The following DIAPH3 variants were observed in gnomAD, a reference collection of about 807,000 sequenced individuals.
The protein encoded by DIAPH3 is protein diaphanous homolog 3.
A neutral mutation model predicts 144.3 loss-of-function variants in DIAPH3; 117 were observed. The observed-to-expected ratio is 0.81, with a 90% confidence interval of 0.70 to 0.95. The LOEUF is 0.95. DIAPH3 is among the 40% of genes least tolerant of loss of function. The probability of loss-of-function intolerance (pLI) is 0.00; values close to 1 mark genes in which losing one functional copy is unlikely to be tolerated. For missense variants in DIAPH3, 1,421 were observed against 1,412.7 expected, an observed-to-expected ratio of 1.01 and a Z score of -0.09; for synonymous variants, 519 against 488.9, an observed-to-expected ratio of 1.06 and a Z score of -0.81.
chr13:59,939,510 C>T (rs745906884), intron 17 of DIAPH3, among the ~76,000 whole-genome samples: 10 of 152,154 alleles, frequency 6.6e-5, no homozygotes, highest in Non-Finnish European at 1.3e-4. Flanking sequence ...TCTTTTCCTA[C>T]ACAGAAACTG....
At chr13:60,057,162 C>T (rs866861261) in intron 4 of DIAPH3, among the ~76,000 whole-genome samples, 27 of 151,706 alleles carry the variant, frequency 1.8e-4, no homozygotes, top group African/African-American at 6.5e-4. Context: ...AAAGACTTCT[C>T]CAAAAGACTC....
chr13:60,059,570 G>T (rs573359657), intron 4 of DIAPH3, among the ~76,000 whole-genome samples: 1 of 151,910 alleles, frequency 6.6e-6, no homozygotes, highest in South Asian at 2.1e-4. Flanking sequence ...AAGGTCATAT[G>T]GTGTCACACA....
chr13:59,893,840 A>G (rs1485793020), intron 20 of DIAPH3, among the ~76,000 whole-genome samples: 2 of 152,134 alleles, frequency 1.3e-5, no homozygotes, highest in Admixed American at 6.5e-5. Flanking sequence ...CGATTTTACA[A>G]TTCTTGTTTT....
At chr13:59,947,363 G>C (rs2048851605) in intron 17 of DIAPH3, among the ~76,000 whole-genome samples, 1 of 152,110 alleles carries the variant, frequency 6.6e-6, no homozygotes, top group Non-Finnish European at 1.5e-5. Flanking sequence ...CTTTAACTCT[G>C]CATGGTCCAC....
At chr13:59,862,394 G>A (rs541243687) in intron 21 of DIAPH3, among the ~76,000 whole-genome samples, 2 of 152,146 alleles carry the variant, frequency 1.3e-5, no homozygotes, top group African/African-American at 4.8e-5. Context: ...CAGTGAGTGT[G>A]GCTAAAAAGA....
intron 24 of DIAPH3, among the ~76,000 whole-genome samples, chr13:59,812,922 TA>T (rs2040564770): frequency 6.6e-6 from 1 of 152,144 alleles, no homozygotes; most frequent in Non-Finnish European, 1.5e-5. Flanking sequence ...GATATTTGCA[TA>T]ATGAACAGAA....
intron 4 of DIAPH3, among the ~76,000 whole-genome samples, chr13:60,091,950 C>T (rs2057950443): frequency 6.6e-6 from 1 of 151,880 alleles, no homozygotes; most frequent in South Asian, 2.1e-4. Flanking sequence ...TCAAGCAATC[C>T]TCCCACCTCA....
intron 21 of DIAPH3, among the ~76,000 whole-genome samples, chr13:59,867,677 T>C (rs916865024): frequency 6.6e-6 from 1 of 152,138 alleles, no homozygotes; most frequent in Non-Finnish European, 1.5e-5. Context: ...AGAAAGCATT[T>C]GTGCATTTTA....
At chr13:59,803,699 T>G (rs1054769187) in intron 25 of DIAPH3, among the ~76,000 whole-genome samples, 1 of 152,202 alleles carries the variant, frequency 6.6e-6, no homozygotes, top group African/African-American at 2.4e-5. Context: ...GAGCCTTGTA[T>G]AGCTGCATGG....
chr13:60,023,437 C>CTT (rs36089305), intron 5 of DIAPH3, among the ~76,000 whole-genome samples: 8 of 143,992 alleles, frequency 5.6e-5, no homozygotes, highest in African/African-American at 1.3e-4. Context: ...GTTTTCAGAA[C>CTT]TTTTTTTTTT....
Position 59,940,753 on chromosome 13 carries a change from A to AAG in DIAPH3, c.2075-15885_2075-15884dup, listed in dbSNP as rs1373049103. Among the ~76,000 whole-genome samples, 41 of 152,144 alleles carry AAG rather than the reference A, an allele frequency of 2.7e-4. 1 individual carries two copies. Among genetic ancestry groups the AAG allele is most frequent in the Admixed American group, 2.7e-3 (41 of 15,268 alleles). On this transcript the variant is annotated intron_variant, in intron 17 of 27. Transcript: ENST00000400324. ...ATTTCCAATAAGAAAACTAACCCAT[A>AAG]AGAGGCTAAGGGCCTGGCAAATGAA...
chr13:60,001,235 T>C (rs2052514656), intron 9 of DIAPH3, among the ~76,000 whole-genome samples: 1 of 152,218 alleles, frequency 6.6e-6, no homozygotes. Flanking sequence ...CATCCTGCCA[T>C]TTACCACCAG....
At chr13:59,743,803 C>T (rs2036578078) in intron 27 of DIAPH3, among the ~76,000 whole-genome samples, 1 of 152,016 alleles carries the variant, frequency 6.6e-6, no homozygotes, top group Non-Finnish European at 1.5e-5. Flanking sequence ...CATTTAAATG[C>T]AGCTGGAAAA....
chr13:59,912,592 T>G (rs1164159996), intron 19 of DIAPH3, among the ~76,000 whole-genome samples: 1 of 152,186 alleles, frequency 6.6e-6, no homozygotes, highest in Non-Finnish European at 1.5e-5. Context: ...TTGGACAAAG[T>G]CTATATCGAT....
chr13:60,028,472 T>A (rs974736907), intron 5 of DIAPH3, among the ~76,000 whole-genome samples: 3 of 152,086 alleles, frequency 2.0e-5, no homozygotes, highest in Non-Finnish European at 4.4e-5. Flanking sequence ...GCATTTGGGG[T>A]TCTCCTCCCC....
rs1027757855 is a variant in DIAPH3, at chr13:60,056,292, G to T, written c.496-13472C>A. 2.6e-5 allele frequency among the ~76,000 whole-genome samples: 4 copies of T among 150,966 alleles called. No homozygotes were observed. The East Asian group carries it at 7.7e-4, about 29-fold the overall frequency. ...AGAAAAGAGAGAGAGGAGAGAGAAC[G>T]AGCAATAGAGACAGAGAAAGGAGAG... On this transcript the variant is annotated intron_variant, in intron 4 of 27. Transcript: ENST00000400324.
At chr13:59,684,051 GAA>G (rs749664465) in intron 27 of DIAPH3, among the ~76,000 whole-genome samples, 1 of 140,506 alleles carries the variant, frequency 7.1e-6, no homozygotes. Flanking sequence ...GCAGGGGGAG[GAA>G]AAAAAAAAAA....
intron 24 of DIAPH3, among the ~76,000 whole-genome samples, chr13:59,826,671 GA>G (rs1182529516): frequency 6.6e-6 from 1 of 151,464 alleles, no homozygotes; most frequent in Non-Finnish European, 1.5e-5. Context: ...CACAAAATTG[GA>G]AAAAACTACT....
At chr13:59,810,316 T>C (rs2040408440) in intron 25 of DIAPH3, among the ~76,000 whole-genome samples, 2 of 152,146 alleles carry the variant, frequency 1.3e-5, no homozygotes, top group Non-Finnish European at 1.5e-5. Context: ...GGAATACACA[T>C]AAATTCCATA....
Sources: allele counts gnomAD v4.1 joint callset (sites outside exome capture counted in the v4.1 genomes callset), GRCh38; gene constraint gnomAD v4.1.1; transcripts MANE v1.5; gene names NCBI Gene and HGNC (gene_info 2026-07-23, HGNC 2026-07-21).